Variants in MAP3K9 observed in about 807,000 individuals in gnomAD.
The protein encoded by MAP3K9 is mitogen-activated protein kinase kinase kinase 9.
A neutral mutation model predicts 95.8 loss-of-function variants in MAP3K9; 46 were observed. That is an observed-to-expected ratio of 0.48 (90% CI 0.38 to 0.61). MAP3K9 has a LOEUF of 0.61. MAP3K9 is among the 20% of genes least tolerant of loss of function. The pLI, the probability that MAP3K9 is intolerant of heterozygous loss-of-function variation, is 0.00. For synonymous variants in MAP3K9, 533 were observed against 593.8 expected (o/e 0.90, Z 1.49); for missense variants, 1,296 against 1,474.3 (o/e 0.88, Z 1.98).
At chr14:70,737,646 T>C (rs1163467626) in intron 8 of MAP3K9, among the ~76,000 whole-genome samples, 1 of 152,204 alleles carries the variant, frequency 6.6e-6, no homozygotes, top group Non-Finnish European at 1.5e-5. Flanking sequence ...ACAACTGTAC[T>C]ACCAGGGCTG....
intron 1 of MAP3K9, among the ~76,000 whole-genome samples, chr14:70,804,884 G>T (rs1283497815): frequency 6.6e-6 from 1 of 152,064 alleles, no homozygotes; most frequent in East Asian, 1.9e-4. Context: ...CAACTTTCAA[G>T]CAGATAAAAG....
chr14:70,774,531 T>C (rs1205777743), intron 2 of MAP3K9, among the ~76,000 whole-genome samples: 5 of 150,466 alleles, frequency 3.3e-5, no homozygotes, highest in South Asian at 2.1e-4. Flanking sequence ...GGCGTGGTGG[T>C]GGGCGCCTGT....
intron 2 of MAP3K9, among the ~76,000 whole-genome samples, chr14:70,797,632 G>T (rs1438942714): frequency 6.6e-6 from 1 of 152,098 alleles, no homozygotes; most frequent in African/African-American, 2.4e-5. Flanking sequence ...CAGCTACTCA[G>T]GAGGCCGAGG....
Position 70,735,962 on chromosome 14 carries a change from C to T in MAP3K9, c.1912G>A (p.Gly638Ser), listed in dbSNP as rs1392714580. The change falls in exon 9 of 12, where the codon GGC becomes AGC. Residue 638 changes from glycine to serine, a missense_variant and splice_region_variant. By Grantham distance (56) the Gly-to-Ser change is moderately conservative. This residue lies in a region of MAP3K9 where 377 missense variants were observed against 417.1 expected (regional missense o/e 0.90). Coordinates refer to ENST00000554752, the MANE Select transcript of MAP3K9 (RefSeq NM_001284230.2). Reference sequence around the variant, plus strand: ...TGAAAGGGTGAAGATGAGACTCACCCCAAGTGGAAATGTGGAGATTCTGAT... The same window carrying T: ...TGAAAGGGTGAAGATGAGACTCACCTCAAGTGGAAATGTGGAGATTCTGAT... ...TPSESPHFHL[G>S]LKSLVDGYKQ... is the part of the protein sequence containing the mutation. The T allele has an allele frequency of 6.2e-7, 1 of 1,611,210 alleles. No individual in the cohort carries two copies. Among genetic ancestry groups the T allele is most frequent in the South Asian group, 1.1e-5 (1 of 91,008 alleles).
chr14:70,800,613 G>A lies in MAP3K9; in HGVS notation c.820+54C>T, dbSNP rs1026147310. ...AGAAGTCCACTCCTACTGACGTCGT[G>A]GGATACAACTGCAACTGCTCTGAGC... On this transcript the variant is annotated intron_variant, in intron 2 of 11. Transcript: ENST00000554752. 9 of 1,557,458 alleles carry A rather than the reference G, an allele frequency of 5.8e-6. No individual in the cohort carries two copies. In the Admixed American group the frequency reaches 8.8e-5, roughly 15 times the overall value.
chr14:70,753,499 G>A (rs4902848), intron 3 of MAP3K9, among the ~76,000 whole-genome samples: 81,253 of 152,078 alleles, frequency 0.53, 21,816 homozygotes, highest in South Asian at 0.63. Context: ...ACAAGTTTAC[G>A]TGGATCTGAG....
intron 2 of MAP3K9, among the ~76,000 whole-genome samples, chr14:70,792,622 T>C (rs535773739): frequency 6.6e-6 from 1 of 152,294 alleles, no homozygotes; most frequent in African/African-American, 2.4e-5. Context: ...TGCCACATCA[T>C]CCCTGACCAG....
At chr14:70,745,346 A>C (rs2054131203) in intron 5 of MAP3K9, among the ~76,000 whole-genome samples, 1 of 152,224 alleles carries the variant, frequency 6.6e-6, no homozygotes, top group South Asian at 2.1e-4. Flanking sequence ...AGTGGAAGAG[A>C]GGAAAGAGAT....
At chr14:70,792,593 T>C (rs574528829) in intron 2 of MAP3K9, among the ~76,000 whole-genome samples, 1 of 152,354 alleles carries the variant, frequency 6.6e-6, no homozygotes, top group East Asian at 1.9e-4. Flanking sequence ...CTCCTCATCC[T>C]TTTTCGAGGC....
At position 70,751,466 on chromosome 14, in the gene MAP3K9, A is replaced by T. The variant is rs146886591; in HGVS notation, c.1002-1385T>A. ...TCACATCTGTAATCCCAGACTGTAA[A>T]TTCAGCCTTTGGGAGGCGGAAGCAG... On this transcript the variant is annotated intron_variant, in intron 3 of 11. Transcript: ENST00000554752. 9.9e-3 allele frequency among the ~76,000 whole-genome samples: 1,508 copies of T among 152,298 alleles called. 12 individuals carry two copies. The highest frequency in any genetic ancestry group is 0.027 in the African/African-American group (1,136 of 41,568).
In MAP3K9 at chr14:70,732,729, CA is replaced by C. The variant is rs759609713; in HGVS notation, c.2639del (p.Leu880ArgfsTer6). ...PPLSPCTHNPLVNVRVERFKR... is the reference protein window; with the variant it reads ...PPLSPCTHNPXVNVRVERFKR... ...TGAAGCGCTCTACTCGGACATTGAC[CA>C]GGGGGTTGTGGGTACATGGACTCAG... On this transcript the variant is annotated frameshift_variant, in exon 11 of 12. Coordinates refer to ENST00000554752, the MANE Select transcript of MAP3K9 (RefSeq NM_001284230.2). LOFTEE classifies it high-confidence loss of function. 3 of 1,603,822 alleles carry C rather than the reference CA, an allele frequency of 1.9e-6. No individual in the cohort carries two copies. Among genetic ancestry groups the C allele is most frequent in the African/African-American group, 1.3e-5 (1 of 74,672 alleles).
chr14:70,788,000 C>T (rs2054766562), intron 2 of MAP3K9, among the ~76,000 whole-genome samples: 1 of 152,096 alleles, frequency 6.6e-6, no homozygotes, highest in African/African-American at 2.4e-5. Context: ...ATTGGGATTT[C>T]TATGTTTTCA....
rs1465170608 is a variant in MAP3K9 at position 70,730,623 on chromosome 14, G to A, written c.3072C>T (p.Ser1024=). 1 of 1,613,840 alleles carries A rather than the reference G, an allele frequency of 6.2e-7. No homozygotes were observed. Among genetic ancestry groups the A allele is most frequent in the Admixed American group, 1.7e-5 (1 of 60,004 alleles). ...HARSTSPANS[S]STETPSNLDS... ...CCAGGTTGCTGGGCGTCTCTGTGCT[G>A]GAGCTGTTGGCTGGGGAGGTGCTGC... Residue 1024 remains serine (S), a synonymous_variant, in exon 12 of 12, where the codon TCC becomes TCT. Coordinates refer to ENST00000554752, the MANE Select transcript of MAP3K9 (RefSeq NM_001284230.2).
At position 70,730,783 on chromosome 14, in the gene MAP3K9, G is replaced by A. The variant is rs913263535; in HGVS notation, c.2912C>T (p.Thr971Ile). 6.2e-7 allele frequency: 1 copy of A among 1,613,596 alleles called. No homozygotes were observed. The highest frequency in any genetic ancestry group is 1.3e-5 in the African/African-American group (1 of 74,868). The change falls in exon 12 of 12, where the codon ACC becomes ATC. Residue 971 changes from threonine to isoleucine, a missense_variant. Physicochemically the swap from Thr to Ile is moderately conservative, Grantham distance 89. This residue lies in a region of MAP3K9 where 433 missense variants were observed against 441.4 expected (regional missense o/e 0.98). Coordinates refer to ENST00000554752, the MANE Select transcript of MAP3K9 (RefSeq NM_001284230.2). Reference protein sequence around the residue: ...LPDPNVVFPPTPRRWNTQQDS... With the variant: ...LPDPNVVFPPIPRRWNTQQDS... ...CTGCTGAGTGTTCCAGCGCCTTGGG[G>A]TTGGGGGGAAGACCACATTGGGGTC... is the stretch of plus-strand genomic sequence containing the variant.
rs977910559 is a variant in MAP3K9, at chr14:70,809,232, T to C, written c.-61A>G. ...GCCCGCAGGAGCCGCCGCCGCCTATTGTTCATGCGCCTCCGCAGAGCTGGG... is the reference window on the plus strand; with the variant it reads ...GCCCGCAGGAGCCGCCGCCGCCTATCGTTCATGCGCCTCCGCAGAGCTGGG... On this transcript the variant is annotated 5_prime_UTR_variant, in exon 1 of 12. Transcript: ENST00000554752. The C allele has an allele frequency of 3.2e-4, 415 of 1,282,274 alleles. 2 individuals are homozygous for C. Among genetic ancestry groups the C allele is most frequent in the Non-Finnish European group, 3.8e-4 (387 of 1,020,934 alleles). The allele number at this position is 1,282,274 out of a possible 1,614,324, so 79.4% of individuals were successfully genotyped here.
intron 2 of MAP3K9, among the ~76,000 whole-genome samples, chr14:70,787,737 A>G (rs561767435): frequency 6.6e-6 from 1 of 152,292 alleles, no homozygotes; most frequent in Admixed American, 6.5e-5. Context: ...TATAAAAGCA[A>G]AGGCTTGAAG....
chr14:70,765,470 C>G (rs1027671239), intron 2 of MAP3K9: 12 of 694,466 alleles, frequency 1.7e-5, no homozygotes, highest in Non-Finnish European at 2.9e-5. Flanking sequence ...CTGTAAGCTC[C>G]ATTTCATGGT....
intron 3 of MAP3K9, among the ~76,000 whole-genome samples, chr14:70,758,689 T>G (rs1008159031): frequency 1.3e-5 from 2 of 151,936 alleles, no homozygotes; most frequent in African/African-American, 4.8e-5. Flanking sequence ...TAAACAAATG[T>G]GGTCTATCCA....
Position 70,740,147 on chromosome 14 carries a change from T to C in MAP3K9, c.1585A>G (p.Thr529Ala). ...SLPSDFQHKFTVQASPTMDKR... is the reference protein window; with the variant it reads ...SLPSDFQHKFAVQASPTMDKR... ...TCCATGGTAGGGGAGGCCTGCACCG[T>C]GAACTTGTGCTGGAAATCTGCTTGG... The change falls in exon 7 of 12, where the codon ACG (threonine) becomes GCG (alanine). Residue 529 changes from threonine to alanine, a missense_variant. This residue lies in a region of MAP3K9 where 377 missense variants were observed against 417.1 expected (regional missense o/e 0.90). Transcript: ENST00000554752. 1 of 1,613,224 alleles carries C rather than the reference T, an allele frequency of 6.2e-7. No individual in the cohort carries two copies. Among genetic ancestry groups the C allele is most frequent in the Non-Finnish European group, 8.5e-7 (1 of 1,179,224 alleles).
Sources: allele counts gnomAD v4.1 joint callset (sites outside exome capture counted in the v4.1 genomes callset), GRCh38; gene constraint gnomAD v4.1.1; regional missense constraint gnomAD v4.1.1; transcripts MANE v1.5; gene names NCBI Gene and HGNC (gene_info 2026-07-23, HGNC 2026-07-21).